JAM3: variants seen among roughly 807,000 people sequenced by gnomAD.
The protein encoded by JAM3 is junctional adhesion molecule 3.
A neutral mutation model predicts 39.4 loss-of-function variants in JAM3; 31 were observed. That is an observed-to-expected ratio of 0.79 (90% CI 0.59 to 1.06). JAM3 has a LOEUF of 1.06. JAM3 is among the 50% of genes least tolerant of loss of function. JAM3 has a pLI of 0.00. For missense variants in JAM3, 455 were observed against 391.4 expected (o/e 1.16, Z -1.37); for synonymous variants, 182 against 148.7 (o/e 1.22, Z -1.63).
Position 134,093,465 on chromosome 11 carries a change from C to A in JAM3, c.76+24306C>A, listed in dbSNP as rs1941913221. ...AACCTCCTTATTCGTCATGTTCCACCTTACATCTTATTCATCATGTTCCAT... is the reference window on the plus strand; with the variant it reads ...AACCTCCTTATTCGTCATGTTCCACATTACATCTTATTCATCATGTTCCAT... On this transcript the variant is annotated intron_variant, in intron 1 of 8. Coordinates refer to ENST00000299106, the MANE Select transcript of JAM3 (RefSeq NM_032801.5). Among the ~76,000 whole-genome samples the A allele has an allele frequency of 1.5e-5, 2 of 136,356 alleles. 1 individual carries two copies. Among genetic ancestry groups the A allele is most frequent in the South Asian group, 5.0e-4 (2 of 4,004 alleles). The allele number at this position is 136,356 out of a possible 152,430, so 89.5% of individuals were successfully genotyped here.
Position 134,114,521 on chromosome 11 carries a change from C to T in JAM3, c.77-25330C>T, listed in dbSNP as rs187707980. On this transcript the variant is annotated intron_variant, in intron 1 of 8. Coordinates refer to ENST00000299106, the MANE Select transcript of JAM3 (RefSeq NM_032801.5). ...ATGTGTGGTATTATTTCTGAGGGCT[C>T]TGTTGTGTTCCATTGGTCTCTATCT... 5.9e-3 allele frequency among the ~76,000 whole-genome samples: 894 copies of T among 152,300 alleles called. 3 individuals carry two copies. Among genetic ancestry groups the T allele is most frequent in the Non-Finnish European group, 7.7e-3 (524 of 68,026 alleles).
intron 1 of JAM3, chr11:134,123,775 G>T: frequency 1.4e-6 from 1 of 693,542 alleles, no homozygotes; most frequent in Non-Finnish European, 2.7e-6. Flanking sequence ...AGGTACCAAG[G>T]GTTCCCTCTA....
At chr11:134,122,060 A>G (rs1282592791) in intron 1 of JAM3, among the ~76,000 whole-genome samples, 2 of 152,206 alleles carry the variant, frequency 1.3e-5, no homozygotes, top group African/African-American at 4.8e-5. Flanking sequence ...CCCAGAAACA[A>G]TTTCAGAAAG....
At chr11:134,095,166 A>T (rs993257831) in intron 1 of JAM3, among the ~76,000 whole-genome samples, 5 of 152,256 alleles carry the variant, frequency 3.3e-5, no homozygotes, top group African/African-American at 9.6e-5. Flanking sequence ...GAGAGAAAGT[A>T]AACCAGCATT....
At chr11:134,088,634 C>G (rs1185403788) in intron 1 of JAM3, among the ~76,000 whole-genome samples, 1 of 152,154 alleles carries the variant, frequency 6.6e-6, no homozygotes, top group Non-Finnish European at 1.5e-5. Flanking sequence ...AACCTCTGAA[C>G]ATTAAATCAC....
Position 134,151,022 on chromosome 11 carries a change from GC to G in JAM3, c.*1842del, listed in dbSNP as rs1452624448. 1 of 152,254 alleles carries G rather than the reference GC, an allele frequency of 6.6e-6. No homozygotes were observed. Among genetic ancestry groups the G allele is most frequent in the Non-Finnish European group, 1.5e-5 (1 of 68,062 alleles). The allele number at this position is 152,254 out of a possible 1,614,324, so 9.4% of individuals were successfully genotyped here. A position where few individuals can be genotyped will look rare whatever the true frequency, so the allele number is the denominator to read the frequency against. ...ACTCAGAAGCCTGTGTTCTTCAAGA[GC>G]AGGTGTTCTCAGCCTCACATGCCCT... On this transcript the variant is annotated 3_prime_UTR_variant, in exon 9 of 9. Transcript: ENST00000299106.
intron 1 of JAM3, among the ~76,000 whole-genome samples, chr11:134,069,857 T>C (rs1410028164): frequency 1.3e-5 from 2 of 152,296 alleles, no homozygotes; most frequent in South Asian, 2.1e-4. Flanking sequence ...GCTTTTCTTT[T>C]ACAGAAATAA....
rs533989564 is a variant in JAM3, at chr11:134,099,857, G to C, written c.76+30698G>C. Among the ~76,000 whole-genome samples, 4 of 152,202 alleles carry C rather than the reference G, an allele frequency of 2.6e-5. No homozygotes were observed. The East Asian group carries it at 7.8e-4, about 30-fold the overall frequency. On this transcript the variant is annotated intron_variant, in intron 1 of 8. Transcript: ENST00000299106. ...CCAGACCTCGTCATCCGCCTGCCTT[G>C]GCCTCCCAAAGTGCTGGGATTACAG...
chr11:134,135,609 C>G (rs924063161), intron 1 of JAM3, among the ~76,000 whole-genome samples: 3 of 151,586 alleles, frequency 2.0e-5, no homozygotes, highest in African/African-American at 7.3e-5. Context: ...CTGATCTCAG[C>G]TCACTGTAAC....
chr11:134,127,774 A>G (rs1344632938), intron 1 of JAM3, among the ~76,000 whole-genome samples: 1 of 152,260 alleles, frequency 6.6e-6, no homozygotes, highest in African/African-American at 2.4e-5. Flanking sequence ...AGTAGGCACA[A>G]CAGAGAATGG....
At chr11:134,123,898 G>A in intron 1 of JAM3, 3 of 991,190 alleles carry the variant, frequency 3.0e-6, no homozygotes, top group Non-Finnish European at 4.9e-6. Flanking sequence ...TCCAAGTAAA[G>A]CAGCTGTTTG....
At chr11:134,146,500 C>T (rs192878867) in intron 6 of JAM3, among the ~76,000 whole-genome samples, 7 of 151,858 alleles carry the variant, frequency 4.6e-5, no homozygotes, top group African/African-American at 7.2e-5. Context: ...AATGGAGGGG[C>T]GTTGAGAGGA....
At chr11:134,120,912 G>T (rs1433572046) in intron 1 of JAM3, among the ~76,000 whole-genome samples, 2 of 152,186 alleles carry the variant, frequency 1.3e-5, no homozygotes, top group Non-Finnish European at 2.9e-5. Context: ...TTTGCCTGAA[G>T]CTGTAGAAGC....
intron 1 of JAM3, among the ~76,000 whole-genome samples, chr11:134,088,423 T>G (rs1348008568): frequency 2.0e-5 from 3 of 152,154 alleles, no homozygotes; most frequent in Non-Finnish European, 4.4e-5. Context: ...TTTTTTTAAA[T>G]TTTAGGTTTG....
rs1024251479 is a variant in JAM3 at position 134,123,722 on chromosome 11, C to T, written c.77-16129C>T. 4 of 562,180 alleles carry T rather than the reference C, an allele frequency of 7.1e-6. No individual in the cohort carries two copies. In the Admixed American group the frequency reaches 1.1e-4, roughly 16 times the overall value. The allele number at this position is 562,180 out of a possible 1,614,324, so 34.8% of individuals were successfully genotyped here. On this transcript the variant is annotated intron_variant, in intron 1 of 8. Coordinates refer to ENST00000299106, the MANE Select transcript of JAM3 (RefSeq NM_032801.5). Reference sequence around the variant, plus strand: ...AGTGGTTGAGGAGTAGTGAATCCATCACTACTTTGATGACACAGGTAAGAT... The same window carrying T: ...AGTGGTTGAGGAGTAGTGAATCCATTACTACTTTGATGACACAGGTAAGAT...
At chr11:134,083,840 A>G (rs185281672) in intron 1 of JAM3, among the ~76,000 whole-genome samples, 2 of 152,190 alleles carry the variant, frequency 1.3e-5, no homozygotes, top group Non-Finnish European at 2.9e-5. Flanking sequence ...TCACCTTACC[A>G]TCATGGCAGA....
At chr11:134,108,349 C>T (rs1281266363) in intron 1 of JAM3, among the ~76,000 whole-genome samples, 1 of 151,150 alleles carries the variant, frequency 6.6e-6, no homozygotes, top group Non-Finnish European at 1.5e-5. Context: ...TGAATTCTAC[C>T]AAACATTTAA....
chr11:134,150,207 G>A lies in JAM3; in HGVS notation c.*1026G>A, dbSNP rs961521509. On this transcript the variant is annotated 3_prime_UTR_variant, in exon 9 of 9. Transcript: ENST00000299106. ...CATACTGTCTACACATCAGACCATA[G>A]TTGCTTAGGAAACCTTTAAAAATTC... 1.3e-5 allele frequency: 2 copies of A among 152,278 alleles called. No homozygotes were observed. Among genetic ancestry groups the A allele is most frequent in the African/African-American group, 2.4e-5 (1 of 41,458 alleles). 9.4% of individuals were successfully genotyped at this position (152,278 alleles called of 1,614,324 possible). A position where few individuals can be genotyped will look rare whatever the true frequency, so the allele number is the denominator to read the frequency against.
chr11:134,109,164 G>T (rs539573940), intron 1 of JAM3, among the ~76,000 whole-genome samples: 1 of 152,104 alleles, frequency 6.6e-6, no homozygotes, highest in African/African-American at 2.4e-5. Flanking sequence ...GTTTTACCAC[G>T]TTGGCCAGGC....
Sources: allele counts gnomAD v4.1 joint callset (sites outside exome capture counted in the v4.1 genomes callset), GRCh38; gene constraint gnomAD v4.1.1; transcripts MANE v1.5; gene names NCBI Gene and HGNC (gene_info 2026-07-23, HGNC 2026-07-21).